Variants in SYNE2 observed in about 807,000 individuals in gnomAD.
SYNE2 encodes spectrin repeat containing nuclear envelope protein 2.
SYNE2 carries 431 observed loss-of-function variants against 856.3 expected under a neutral mutation model. The ratio of observed to expected loss-of-function variants is 0.50; its 90% CI spans 0.47 to 0.55. The LOEUF is 0.55. SYNE2 is among the 20% of genes least tolerant of loss of function. The pLI is 0.00. For synonymous variants in SYNE2, 2,923 were observed against 2,872.3 expected, an observed-to-expected ratio of 1.02 and a Z score of -0.56; for missense variants, 8,129 against 8,023.2, an observed-to-expected ratio of 1.01 and a Z score of -0.50.
At chr14:64,176,347 C>T (rs571842844) in intron 95 of SYNE2, among the ~76,000 whole-genome samples, 1 of 152,302 alleles carries the variant, frequency 6.6e-6, no homozygotes, top group African/African-American at 2.4e-5. Flanking sequence ...TTAGTTTTCC[C>T]ATTTTAAATA....
At chr14:64,087,195 C>T (rs2097570148) in intron 57 of SYNE2, among the ~76,000 whole-genome samples, 2 of 150,548 alleles carry the variant, frequency 1.3e-5, no homozygotes, top group African/African-American at 2.4e-5. Context: ...CTGAATAACC[C>T]ACTTAGTTTT....
chr14:64,217,254 G>T (rs2098670826), intron 108 of SYNE2, among the ~76,000 whole-genome samples: 2 of 152,180 alleles, frequency 1.3e-5, no homozygotes, highest in South Asian at 4.1e-4. Flanking sequence ...GTCCTCAGAA[G>T]TAATGGTCGT....
chr14:63,953,887 G>T (rs114413523), intron 7 of SYNE2, among the ~76,000 whole-genome samples: 1,628 of 152,160 alleles, frequency 0.011, 25 homozygotes, highest in African/African-American at 0.037. Flanking sequence ...GGTTTTTAAG[G>T]TTCCTTCATG....
intron 70 of SYNE2, among the ~76,000 whole-genome samples, chr14:64,124,562 T>A (rs932827868): frequency 6.6e-6 from 1 of 152,046 alleles, no homozygotes; most frequent in Non-Finnish European, 1.5e-5. Flanking sequence ...ACCTCAAGTA[T>A]CTAAATATAA....
intron 2 of SYNE2, among the ~76,000 whole-genome samples, chr14:63,913,170 A>G (rs1595595506): frequency 6.6e-6 from 1 of 152,258 alleles, no homozygotes; most frequent in East Asian, 1.9e-4. Context: ...CCTGGACTCA[A>G]GTGATCCTCC....
At chr14:64,088,363 T>A (rs2097579906) in intron 58 of SYNE2, among the ~76,000 whole-genome samples, 1 of 152,214 alleles carries the variant, frequency 6.6e-6, no homozygotes, top group Admixed American at 6.5e-5. Context: ...GTGGTCTGTT[T>A]TAAAGAGTAA....
At position 64,152,554 on chromosome 14, in the gene SYNE2, AC is replaced by A. The variant is rs1300682356; in HGVS notation, c.15640-9del. The A allele has an allele frequency of 5.0e-6, 8 of 1,613,700 alleles. 1 individual carries two copies. In the South Asian group the frequency reaches 8.8e-5, roughly 18 times the overall value. On this transcript the variant is annotated splice_polypyrimidine_tract_variant and intron_variant, in intron 84 of 115. Transcript: ENST00000555002. ...TGTGCATTGAAAACCTTTTCCTCTT[AC>A]TCTTCCAGGATATAGAAAATCAACT...
chr14:64,195,501 T>C lies in SYNE2; in HGVS notation c.18038+5264T>C, dbSNP rs1049779888. On this transcript the variant is annotated intron_variant, in intron 99 of 115. Coordinates refer to ENST00000555002, the MANE Select transcript of SYNE2 (RefSeq NM_182914.3). ...CTCCTTCCTGTTTACACTGAATTGC[T>C]CTCACTATCAGAAATATCAAATCCA... Among the ~76,000 whole-genome samples, 40 of 152,318 alleles carry C rather than the reference T, an allele frequency of 2.6e-4. 1 individual carries two copies. Among genetic ancestry groups the C allele is most frequent in the African/African-American group, 9.4e-4 (39 of 41,572 alleles).
chr14:64,067,907 C>G (rs1376709626), intron 51 of SYNE2, among the ~76,000 whole-genome samples: 1 of 152,274 alleles, frequency 6.6e-6, no homozygotes, highest in South Asian at 2.1e-4. Flanking sequence ...ACAGTCATTT[C>G]TTTGTTGGGT....
chr14:63,812,848 T>C (rs935943406), intron 1 of SYNE2, among the ~76,000 whole-genome samples: 2 of 152,246 alleles, frequency 1.3e-5, no homozygotes, highest in East Asian at 3.9e-4. Context: ...TGTATACCTA[T>C]GTAACAAACC....
chr14:63,769,786 T>C (rs928898978), intron 1 of SYNE2, among the ~76,000 whole-genome samples: 14 of 150,844 alleles, frequency 9.3e-5, no homozygotes, highest in Admixed American at 2.0e-4. Context: ...GTGGTCCCAG[T>C]TACTCAGGAG....
chr14:63,933,521 A>G (rs1404238415), intron 2 of SYNE2, among the ~76,000 whole-genome samples: 1 of 152,226 alleles, frequency 6.6e-6, no homozygotes, highest in Non-Finnish European at 1.5e-5. Flanking sequence ...CACCTAGAGA[A>G]AAATCTTTGC....
intron 49 of SYNE2, among the ~76,000 whole-genome samples, chr14:64,058,363 G>A (rs369546659): frequency 2.6e-4 from 40 of 152,140 alleles, no homozygotes; most frequent in South Asian, 2.1e-3. Flanking sequence ...CAGTTTTCCC[G>A]GAACCGTTTA....
In SYNE2 at chr14:64,130,220, C is replaced by A. The variant is rs573850693; in HGVS notation, c.14312C>A (p.Ala4771Glu). 3.1e-6 allele frequency: 5 copies of A among 1,613,248 alleles called. No homozygotes were observed. Among genetic ancestry groups the A allele is most frequent in the Middle Eastern group, 3.3e-4 (2 of 6,062 alleles). The stretch of plus-strand genomic sequence containing the variant: ...TTAAAACAAACCAAAAGTAAAGTGG[C>A]GTTACAGGCTCAAATAGAAAATCAC... ...GHLKQTKSKV[A>E]LQAQIENHKV... Residue 4771 changes from alanine (A) to glutamate (E), a missense_variant, in exon 76 of 116, where the codon GCG becomes GAG. This residue lies in a region of SYNE2 where 5,410 missense variants were observed against 5,284.8 expected (regional missense o/e 1.02). Coordinates refer to ENST00000555002, the MANE Select transcript of SYNE2 (RefSeq NM_182914.3).
In SYNE2 at chr14:63,983,507, T is replaced by C. The variant is rs139615288; in HGVS notation, c.2002-230T>C. Among the ~76,000 whole-genome samples the C allele has an allele frequency of 1.7e-3, 262 of 152,338 alleles. 1 individual carries two copies. Among genetic ancestry groups the C allele is most frequent in the African/African-American group, 6.0e-3 (249 of 41,580 alleles). ...ATACACTGAGCCTTATGTATCTTTATATGTAGCATAGTGCCTCATAAAAGC... is the reference window on the plus strand; with the variant it reads ...ATACACTGAGCCTTATGTATCTTTACATGTAGCATAGTGCCTCATAAAAGC... On this transcript the variant is annotated intron_variant, in intron 17 of 115. Coordinates refer to ENST00000555002, the MANE Select transcript of SYNE2 (RefSeq NM_182914.3).
At chr14:63,809,152 T>C (rs965736351) in intron 1 of SYNE2, among the ~76,000 whole-genome samples, 3 of 152,146 alleles carry the variant, frequency 2.0e-5, no homozygotes, top group African/African-American at 7.2e-5. Flanking sequence ...ATCTGCTCCT[T>C]TATTTTATTT....
rs369138577 is a variant in SYNE2, at chr14:63,976,136, T to C, written c.1129-427T>C. ...ATGGTAGAGATATGTCATGTGGATATACAGTTAGGGCTAGAGAGGGAAGAA... is the reference window on the plus strand; with the variant it reads ...ATGGTAGAGATATGTCATGTGGATACACAGTTAGGGCTAGAGAGGGAAGAA... On this transcript the variant is annotated intron_variant, in intron 11 of 115. Transcript: ENST00000555002. Among the ~76,000 whole-genome samples, 6 of 152,258 alleles carry C rather than the reference T, an allele frequency of 3.9e-5. No individual in the cohort carries two copies. The East Asian group carries it at 9.6e-4, about 24-fold the overall frequency.
At chr14:63,815,847 A>G (rs1888960133) in intron 1 of SYNE2, among the ~76,000 whole-genome samples, 1 of 151,330 alleles carries the variant, frequency 6.6e-6, no homozygotes, top group Non-Finnish European at 1.5e-5. Context: ...ATAAATCTCC[A>G]CTGTCTGCTC....
At chr14:63,932,101 T>A (rs898708323) in intron 2 of SYNE2, among the ~76,000 whole-genome samples, 11 of 152,122 alleles carry the variant, frequency 7.2e-5, no homozygotes, top group Admixed American at 5.2e-4. Flanking sequence ...TTGGGGCCAG[T>A]TGCAGTGGCA....
Sources: gnomAD v4.1 joint callset for allele counts (sites outside exome capture counted in the v4.1 genomes callset) on GRCh38, gnomAD v4.1.1 for gene constraint, gnomAD v4.1.1 regional missense constraint, MANE v1.5 for transcripts, NCBI Gene and HGNC (gene_info 2026-07-23, HGNC 2026-07-21) for gene names.